Variants in LCORL observed in about 807,000 individuals in gnomAD.
LCORL encodes ligand dependent nuclear receptor corepressor like, also known as ligand-dependent nuclear receptor corepressor-like protein.
A neutral mutation model predicts 141.8 loss-of-function variants in LCORL; 41 were observed. That is an observed-to-expected ratio of 0.29 (90% CI 0.23 to 0.38). The LOEUF (loss-of-function observed/expected upper bound fraction) is 0.38, where lower values mean the gene tolerates loss of function less well. Among genes scored for constraint, LCORL ranks in the 10% least tolerant of loss-of-function variants. The pLI, the probability that LCORL is intolerant of heterozygous loss-of-function variation, is 1.00. For synonymous variants in LCORL, 618 were observed against 694.1 expected (o/e 0.89, Z 1.72); for missense variants, 1,759 against 2,035.0 (o/e 0.86, Z 2.61).
In LCORL at chr4:18,021,690, G is replaced by A; in HGVS notation, c.62C>T (p.Ala21Val). 6.5e-7 allele frequency: 1 copy of A among 1,531,270 alleles called. No individual in the cohort carries two copies. The highest frequency in any genetic ancestry group is 8.8e-7 in the Non-Finnish European group (1 of 1,139,864). 94.9% of individuals were successfully genotyped at this position (1,531,270 alleles called of 1,614,324 possible). A position where few individuals can be genotyped will look rare whatever the true frequency, so the allele number is the denominator to read the frequency against. The change falls in exon 1 of 8, where the codon GCC becomes GTC. Residue 21 changes from alanine to valine, a missense_variant. This residue lies in a region of LCORL where 86 missense variants were observed against 61.8 expected (regional missense o/e 1.39). Transcript: ENST00000635767. This position sits in a 1 kb window ranked among gnomAD's most constrained non-coding sequence, Gnocchi z 5.5. ...GCACCGAGGGCTCCGGCACTGAGCG[G>A]CGGCGGCGGCGGCGGCAGCAGCGGC...
At chr4:17,931,034 T>C (rs1413590533) in intron 4 of LCORL, among the ~76,000 whole-genome samples, 1 of 152,176 alleles carries the variant, frequency 6.6e-6, no homozygotes, top group East Asian at 1.9e-4. Context: ...ACTTTTCTAT[T>C]TCTTCTGGGA....
chr4:17,933,460 T>C (rs78118385), intron 4 of LCORL, among the ~76,000 whole-genome samples: 4,865 of 152,228 alleles, frequency 0.032, 112 homozygotes, highest in African/African-American at 0.061. Context: ...TCTATTCTCC[T>C]TTGAAATTAA....
chr4:18,018,435 G>A (rs748081677), intron 1 of LCORL, among the ~76,000 whole-genome samples: 1 of 152,050 alleles, frequency 6.6e-6, no homozygotes, highest in Non-Finnish European at 1.5e-5. Flanking sequence ...TGGGACAAAA[G>A]GTTGTAGGAC....
rs1560497299 is a variant in LCORL, at chr4:18,021,685, G to GAGCGGCGGCGGCGGC, written c.52_66dup (p.Ala18_Ala22dup). 6.5e-7 allele frequency: 1 copy of GAGCGGCGGCGGCGGC among 1,534,786 alleles called. No homozygotes were observed. Among genetic ancestry groups the GAGCGGCGGCGGCGGC allele is most frequent in the East Asian group, 2.5e-5 (1 of 40,094 alleles). The stretch of plus-strand genomic sequence containing the variant: ...GCCGCGCACCGAGGGCTCCGGCACT[G>GAGCGGCGGCGGCGGC]AGCGGCGGCGGCGGCGGCGGCAGCA... On this transcript the variant is annotated inframe_insertion, in exon 1 of 8. Coordinates refer to ENST00000635767, the Ensembl canonical transcript of LCORL. The surrounding 1 kb of genome is among the most constrained non-coding windows in gnomAD (Gnocchi z 5.5).
chr4:17,954,328 A>G (rs2109556741), intron 4 of LCORL, among the ~76,000 whole-genome samples: 1 of 152,328 alleles, frequency 6.6e-6, no homozygotes, highest in Non-Finnish European at 1.5e-5. Flanking sequence ...TCTAGACAGA[A>G]GTAACAGCAA....
In LCORL at chr4:17,992,098, G is replaced by C. The variant is rs939163649; in HGVS notation, c.155-19213C>G. Among the ~76,000 whole-genome samples the C allele has an allele frequency of 5.3e-5, 8 of 152,280 alleles. No homozygotes were observed. The South Asian group carries it at 1.0e-3, about 20-fold the overall frequency. ...TATTAGTTCATTTTTATGCTGCTAT[G>C]AACAAATACCCATGACTGGGTAATT... On this transcript the variant is annotated intron_variant, in intron 1 of 7. Transcript: ENST00000635767.
intron 1 of LCORL, among the ~76,000 whole-genome samples, chr4:18,019,706 A>T (rs1172456707): frequency 6.6e-6 from 1 of 152,202 alleles, no homozygotes; most frequent in Admixed American, 6.5e-5. Flanking sequence ...ACCAACCAAA[A>T]TATTCCAAAA....
intron 1 of LCORL, among the ~76,000 whole-genome samples, chr4:18,011,445 AC>A (rs755340229): frequency 1.6e-4 from 24 of 151,954 alleles, no homozygotes; most frequent in East Asian, 3.8e-4. Context: ...AAAAAAAAAA[AC>A]AACTTCAAAG....
intron 4 of LCORL, among the ~76,000 whole-genome samples, chr4:17,916,064 C>T (rs1733345265): frequency 6.6e-6 from 1 of 152,128 alleles, no homozygotes; most frequent in African/African-American, 2.4e-5. Flanking sequence ...AGAAAAGAAC[C>T]TTCAGGCCTC....
At chr4:17,899,933 A>G (rs891467018) in intron 5 of LCORL, among the ~76,000 whole-genome samples, 1 of 152,278 alleles carries the variant, frequency 6.6e-6, no homozygotes, top group Admixed American at 6.5e-5. Context: ...CATCCACAAG[A>G]TATCTTACTA....
chr4:17,851,022 G>A (rs565597095), intron 7 of LCORL, among the ~76,000 whole-genome samples: 5 of 146,740 alleles, frequency 3.4e-5, no homozygotes, highest in African/African-American at 7.6e-5. Context: ...GTAAACTATC[G>A]CAAGAACAAA....
chr4:17,904,607 C>T (rs1462608324), intron 5 of LCORL, among the ~76,000 whole-genome samples: 1 of 152,068 alleles, frequency 6.6e-6, no homozygotes, highest in African/African-American at 2.4e-5. Context: ...CCTTATCCCC[C>T]TTTTGGGTAA....
At chr4:17,947,160 A>C (rs572311403) in intron 4 of LCORL, among the ~76,000 whole-genome samples, 101 of 152,146 alleles carry the variant, frequency 6.6e-4, no homozygotes, top group African/African-American at 2.4e-3. Flanking sequence ...GTGTGTGTAC[A>C]TATGTGTATG....
Position 18,010,312 on chromosome 4 carries a change from T to C in LCORL, c.154+11286A>G, listed in dbSNP as rs138185787. Among the ~76,000 whole-genome samples, 38 of 152,278 alleles carry C rather than the reference T, an allele frequency of 2.5e-4. No individual in the cohort carries two copies. In the East Asian group the frequency reaches 5.2e-3, roughly 21 times the overall value. The stretch of plus-strand genomic sequence containing the variant: ...AGAAGAAAAAACCCTACTAATTTTA[T>C]TTTGAGAGTTTAAAAAATACAGTTG... On this transcript the variant is annotated intron_variant, in intron 1 of 7. Transcript: ENST00000635767.
In LCORL at chr4:17,884,075, G is replaced by C; in HGVS notation, c.776+1993C>G. 6.4e-7 allele frequency: 1 copy of C among 1,550,658 alleles called. No individual in the cohort carries two copies. Among genetic ancestry groups the C allele is most frequent in the Non-Finnish European group, 8.7e-7 (1 of 1,146,306 alleles). ...ATTTTTAGAATTAAGACACAAAGGA[G>C]AGAGGTCCCCATGTAGAAAGTAAGA... On this transcript the variant is annotated intron_variant, in intron 6 of 7. Transcript: ENST00000635767. This position sits in a 1 kb window ranked among gnomAD's most constrained non-coding sequence, Gnocchi z 4.4.
chr4:17,987,678 A>C (rs1719231033), intron 1 of LCORL, among the ~76,000 whole-genome samples: 1 of 152,184 alleles, frequency 6.6e-6, no homozygotes. Context: ...CCTTACAAAC[A>C]CTTTGATTAT....
At chr4:17,864,194 A>G (rs568736981) in intron 7 of LCORL, among the ~76,000 whole-genome samples, 15 of 152,302 alleles carry the variant, frequency 9.8e-5, no homozygotes, top group African/African-American at 3.6e-4. Context: ...TAGAACCCTG[A>G]TAAGTTAATG....
chr4:17,842,407 G>A (rs1196785838), exon 8 of LCORL: 31 of 1,560,786 alleles, frequency 2.0e-5, no homozygotes, highest in East Asian at 1.3e-4. Flanking sequence ...AGAATATATG[G>A]AGGCCTATCT....
chr4:17,884,457 CTGCT>C lies in LCORL; in HGVS notation c.776+1607_776+1610del. 1 of 1,549,908 alleles carries C rather than the reference CTGCT, an allele frequency of 6.5e-7. No homozygotes were observed. Among genetic ancestry groups the C allele is most frequent in the Non-Finnish European group, 8.7e-7 (1 of 1,146,176 alleles). On this transcript the variant is annotated intron_variant, in intron 6 of 7. Transcript: ENST00000635767. The surrounding 1 kb of genome is among the most constrained non-coding windows in gnomAD (Gnocchi z 4.4). Reference sequence around the variant, plus strand: ...TTGAGTTTACTTTTTTCTGTGCGCTCTGCTTGAGCTCTTGCCCACAAGGCTACTT... The same window carrying C: ...TTGAGTTTACTTTTTTCTGTGCGCTCTGAGCTCTTGCCCACAAGGCTACTT...
Sources: gnomAD v4.1 joint callset for allele counts (sites outside exome capture counted in the v4.1 genomes callset) on GRCh38, gnomAD v4.1.1 for gene constraint, gnomAD v4.1.1 regional missense constraint, Gnocchi (gnomAD v3.1) non-coding constraint, MANE v1.5 for transcripts, NCBI Gene and HGNC (gene_info 2026-07-23, HGNC 2026-07-21) for gene names.